DGKG: variants seen among roughly 807,000 people sequenced by gnomAD.
The protein encoded by DGKG is diacylglycerol kinase gamma.
Under a neutral mutation model 105.3 loss-of-function variants are expected in DGKG, and 78 were observed. That is an observed-to-expected ratio of 0.74 (90% confidence interval 0.62 to 0.89). DGKG has a LOEUF of 0.89. DGKG is among the 40% of genes least tolerant of loss of function. DGKG has a pLI of 0.00. For synonymous variants in DGKG, 346 were observed against 367.1 expected (o/e 0.94, Z 0.66); for missense variants, 958 against 1,020.1 (o/e 0.94, Z 0.83).
Position 186,150,207 on chromosome 3 carries a change from A to G in DGKG, c.2278-19T>C. 1 of 1,602,474 alleles carries G rather than the reference A, an allele frequency of 6.2e-7. No homozygotes were observed. On this transcript the variant is annotated intron_variant, in intron 24 of 24. Coordinates refer to ENST00000265022, the MANE Select transcript of DGKG (RefSeq NM_001346.3). ...TTTTAATCTAAAAGCAAAGAGGCAG[A>G]AATGAATTAGTGGCATGCAAATCTC...
At chr3:186,269,047 T>G (rs1202268471) in intron 11 of DGKG, 130 bp from the exon 12 acceptor site, 2 of 647,686 alleles carry the variant, frequency 3.1e-6, no homozygotes, top group East Asian at 5.5e-5. Flanking sequence ...TAGAGGATGC[T>G]TATTGGATGT....
Position 186,147,969 on chromosome 3 carries a change from G to A in DGKG, c.*2121C>T. On this transcript the variant is annotated 3_prime_UTR_variant, in exon 25 of 25. Coordinates refer to ENST00000265022, the MANE Select transcript of DGKG (RefSeq NM_001346.3). Reference sequence around the variant, plus strand: ...TCTGCACTGTTAGGTTGAGCAGAATGGTCCAAGATCTTGCTCCTAGGTGGT... The same window carrying A: ...TCTGCACTGTTAGGTTGAGCAGAATAGTCCAAGATCTTGCTCCTAGGTGGT... 1 of 985,402 alleles carries A rather than the reference G, an allele frequency of 1.0e-6. No homozygotes were observed. Among genetic ancestry groups the A allele is most frequent in the Non-Finnish European group, 1.2e-6 (1 of 829,930 alleles). The allele number at this position is 985,402 out of a possible 1,614,324, so 61.0% of individuals were successfully genotyped here. A position where few individuals can be genotyped will look rare whatever the true frequency, so the allele number is the denominator to read the frequency against.
chr3:186,355,699 TCACCAGCACCAG>T (rs1159281656), intron 1 of DGKG, among the ~76,000 whole-genome samples: 13 of 147,660 alleles, frequency 8.8e-5, no homozygotes, highest in East Asian at 6.1e-4. Flanking sequence ...ATTATCACCA[TCACCAGCACCAG>T]CACCAGCACC....
chr3:186,259,907 G>A (rs1299285277), intron 16 of DGKG, among the ~76,000 whole-genome samples: 1 of 152,186 alleles, frequency 6.6e-6, no homozygotes, highest in Non-Finnish European at 1.5e-5. Context: ...AGTGGCAGGA[G>A]GAGCAAAACA....
chr3:186,323,260 C>T (rs141872827), intron 1 of DGKG, among the ~76,000 whole-genome samples: 94 of 152,298 alleles, frequency 6.2e-4, no homozygotes, highest in African/African-American at 2.1e-3. Flanking sequence ...CCTTTAGAAA[C>T]CTTTGCCATC....
intron 2 of DGKG, among the ~76,000 whole-genome samples, chr3:186,314,376 C>G (rs1046277410): frequency 2.6e-5 from 4 of 152,150 alleles, no homozygotes; most frequent in Admixed American, 2.6e-4. Flanking sequence ...TGACCTTGGG[C>G]AAGTCACTGA....
chr3:186,235,953 T>C (rs1362208957), intron 20 of DGKG, among the ~76,000 whole-genome samples: 1 of 152,168 alleles, frequency 6.6e-6, no homozygotes, highest in Non-Finnish European at 1.5e-5. Flanking sequence ...CTTTACTCAC[T>C]CCTGCCCTGT....
At chr3:186,258,239 C>T (rs987181995) in intron 16 of DGKG, among the ~76,000 whole-genome samples, 1 of 152,184 alleles carries the variant, frequency 6.6e-6, no homozygotes. Flanking sequence ...AGAGTTTTGG[C>T]GTCAATACAA....
At chr3:186,351,391 T>G (rs1726622328) in intron 1 of DGKG, among the ~76,000 whole-genome samples, 1 of 152,194 alleles carries the variant, frequency 6.6e-6, no homozygotes, top group Non-Finnish European at 1.5e-5. Context: ...TGCACCATAA[T>G]TACCCTAACT....
chr3:186,342,101 G>T (rs1368628085), intron 1 of DGKG, among the ~76,000 whole-genome samples: 1 of 152,104 alleles, frequency 6.6e-6, no homozygotes, highest in Non-Finnish European at 1.5e-5. Flanking sequence ...CACCAGCATG[G>T]CACATGTATA....
chr3:186,235,843 C>T (rs1720393233), intron 20 of DGKG, among the ~76,000 whole-genome samples: 1 of 152,180 alleles, frequency 6.6e-6, no homozygotes, highest in Admixed American at 6.5e-5. Flanking sequence ...TCCCCAGCAT[C>T]TGACCACAGG....
At chr3:186,356,617 T>A (rs1181061167) in intron 1 of DGKG, among the ~76,000 whole-genome samples, 4 of 152,130 alleles carry the variant, frequency 2.6e-5, no homozygotes, top group Non-Finnish European at 4.4e-5. Context: ...CCATGCTGAT[T>A]AGGACTCCCT....
intron 1 of DGKG, among the ~76,000 whole-genome samples, chr3:186,350,262 A>G (rs1726564585): frequency 6.6e-6 from 1 of 152,092 alleles, no homozygotes; most frequent in South Asian, 2.1e-4. Context: ...TCCCACCACC[A>G]CACCCTGGCA....
chr3:186,173,500 G>A (rs3774056), intron 22 of DGKG, among the ~76,000 whole-genome samples: 20,473 of 152,278 alleles, frequency 0.13, 1,550 homozygotes, highest in South Asian at 0.22. Context: ...AGTGGGAGCT[G>A]TCAGGCCTCT....
chr3:186,214,212 C>T (rs1055921587), intron 20 of DGKG, among the ~76,000 whole-genome samples: 1 of 152,192 alleles, frequency 6.6e-6, no homozygotes, highest in Non-Finnish European at 1.5e-5. Context: ...GAAGATCAAA[C>T]GGACTACTCA....
intron 19 of DGKG, among the ~76,000 whole-genome samples, chr3:186,242,923 C>A (rs1292769796): frequency 1.3e-5 from 2 of 152,066 alleles, no homozygotes; most frequent in African/African-American, 4.8e-5. Flanking sequence ...AGATCAGGAG[C>A]CTGTGTCTGG....
At chr3:186,319,973 C>A (rs1038501962) in intron 2 of DGKG, among the ~76,000 whole-genome samples, 32 of 152,356 alleles carry the variant, frequency 2.1e-4, no homozygotes, top group African/African-American at 7.5e-4. Flanking sequence ...ATGCAGCATG[C>A]AGCCCTTCAA....
At chr3:186,261,257 C>A (rs955360570) in intron 15 of DGKG, among the ~76,000 whole-genome samples, 35 of 152,200 alleles carry the variant, frequency 2.3e-4, no homozygotes, top group Non-Finnish European at 2.9e-5. Flanking sequence ...AATTTCTAGC[C>A]TCCGCTGAAC....
At chr3:186,299,369 G>A (rs1430879579) in intron 3 of DGKG, among the ~76,000 whole-genome samples, 1 of 152,190 alleles carries the variant, frequency 6.6e-6, no homozygotes, top group Non-Finnish European at 1.5e-5. Context: ...GTATAAACAA[G>A]TTTGAGTTCA....
Sources: allele counts gnomAD v4.1 joint callset (sites outside exome capture counted in the v4.1 genomes callset), GRCh38; gene constraint gnomAD v4.1.1; transcripts MANE v1.5; gene names NCBI Gene and HGNC (gene_info 2026-07-23, HGNC 2026-07-21).